Variants in PSD3 observed in about 807,000 individuals in gnomAD.
The protein encoded by PSD3 is PH and SEC7 domain-containing protein 3.
Under a neutral mutation model 105.5 loss-of-function variants are expected in PSD3, and 49 were observed. The ratio of observed to expected loss-of-function variants is 0.46; its 90% CI spans 0.37 to 0.59. PSD3 has a LOEUF of 0.59. PSD3 is among the 20% of genes least tolerant of loss of function. The pLI is 0.00. For synonymous variants in PSD3, 557 were observed against 457.8 expected (o/e 1.22, Z -2.77); for missense variants, 1,561 against 1,263.8 (o/e 1.24, Z -3.57).
In PSD3 at chr8:18,656,483, T is replaced by C. The variant is rs548216265; in HGVS notation, c.2173-798A>G. ...TCTTAGGATAGTTTTAGAGTTTCGA[T>C]ACCACTGACTTAATCCAGTTTTTAT... is the stretch of plus-strand genomic sequence containing the variant. On this transcript the variant is annotated intron_variant, in intron 9 of 15. Transcript: ENST00000327040. Among the ~76,000 whole-genome samples the C allele has an allele frequency of 1.8e-3, 247 of 133,890 alleles. 1 individual carries two copies. The highest frequency in any genetic ancestry group is 7.0e-3 in the African/African-American group (235 of 33,496). 87.8% of individuals were successfully genotyped at this position (133,890 alleles called of 152,430 possible). A position where few individuals can be genotyped will look rare whatever the true frequency, so the allele number is the denominator to read the frequency against.
At chr8:18,840,258 A>T (rs1255589767) in intron 4 of PSD3, among the ~76,000 whole-genome samples, 1 of 151,964 alleles carries the variant, frequency 6.6e-6, no homozygotes, top group Non-Finnish European at 1.5e-5. Flanking sequence ...CACTCTGAGT[A>T]ATAGGTGGGG....
intron 4 of PSD3, among the ~76,000 whole-genome samples, chr8:18,854,607 A>G (rs547770236): frequency 6.6e-6 from 1 of 152,372 alleles, no homozygotes; most frequent in South Asian, 2.1e-4. Flanking sequence ...TTTTTGAACA[A>G]CTATTTTATA....
At chr8:18,665,720 G>A (rs1294380956) in intron 9 of PSD3, among the ~76,000 whole-genome samples, 3 of 152,158 alleles carry the variant, frequency 2.0e-5, no homozygotes, top group Non-Finnish European at 4.4e-5. Flanking sequence ...TGGGTGGCGT[G>A]CATGCCAATG....
At chr8:18,625,654 G>A (rs901657139) in intron 11 of PSD3, among the ~76,000 whole-genome samples, 1 of 152,092 alleles carries the variant, frequency 6.6e-6, no homozygotes, top group Non-Finnish European at 1.5e-5. Flanking sequence ...TTTTCTCATC[G>A]GAATTGCTTT....
chr8:18,960,628 T>G (rs1016122780), intron 1 of PSD3, among the ~76,000 whole-genome samples: 1 of 152,208 alleles, frequency 6.6e-6, no homozygotes, highest in South Asian at 2.1e-4. Flanking sequence ...AGATGGGAAG[T>G]AGTAAGTCAT....
chr8:18,963,428 T>C (rs1276251237), intron 1 of PSD3, among the ~76,000 whole-genome samples: 6 of 152,236 alleles, frequency 3.9e-5, no homozygotes, highest in Non-Finnish European at 5.9e-5. Flanking sequence ...CTGTGGACTA[T>C]GGATTCCCAC....
chr8:19,038,866 C>T (rs1019464544), intron 1 of PSD3, among the ~76,000 whole-genome samples: 5 of 152,180 alleles, frequency 3.3e-5, no homozygotes, highest in Non-Finnish European at 5.9e-5. Flanking sequence ...TCTCACAACA[C>T]CTTTCTGTGA....
intron 8 of PSD3, among the ~76,000 whole-genome samples, chr8:18,771,713 T>C (rs77944826): frequency 0.024 from 3,731 of 152,324 alleles, 163 homozygotes; most frequent in East Asian, 0.14. Context: ...TTGAGCTTTA[T>C]ATCAGCATAA....
chr8:18,866,110 C>T (rs1205491296), intron 4 of PSD3, among the ~76,000 whole-genome samples: 1 of 152,220 alleles, frequency 6.6e-6, no homozygotes, highest in African/African-American at 2.4e-5. Flanking sequence ...AAACAACTTC[C>T]ACTCACCCTA....
intron 15 of PSD3, among the ~76,000 whole-genome samples, chr8:18,548,096 C>A (rs1472853985): frequency 6.6e-6 from 1 of 152,154 alleles, no homozygotes; most frequent in Non-Finnish European, 1.5e-5. Context: ...GCTGTTGACA[C>A]TTTCTATTGC....
chr8:18,613,724 G>T (rs10108055), intron 11 of PSD3, among the ~76,000 whole-genome samples: 47,874 of 151,928 alleles, frequency 0.32, 7,865 homozygotes, highest in South Asian at 0.49. Flanking sequence ...TACAGTTCAG[G>T]GCTCTAAAGC....
At chr8:18,647,955 C>T (rs759374533) in intron 10 of PSD3, among the ~76,000 whole-genome samples, 8 of 152,136 alleles carry the variant, frequency 5.3e-5, no homozygotes, top group Non-Finnish European at 7.4e-5. Context: ...TAAAGTTTCC[C>T]GAGGCCTCCC....
At chr8:18,969,243 T>G (rs946553621) in intron 1 of PSD3, among the ~76,000 whole-genome samples, 1 of 152,200 alleles carries the variant, frequency 6.6e-6, no homozygotes, top group Non-Finnish European at 1.5e-5. Flanking sequence ...AACCATACAT[T>G]CTCTTAAAAA....
chr8:19,020,306 A>T (rs1319376708), intron 1 of PSD3, among the ~76,000 whole-genome samples: 5 of 152,102 alleles, frequency 3.3e-5, no homozygotes, highest in African/African-American at 7.2e-5. Context: ...AGAGTAGATG[A>T]TTGCAAAGGA....
chr8:18,636,268 CAATTTTTTTAACA>C (rs1360912264), intron 10 of PSD3, among the ~76,000 whole-genome samples: 1 of 50,330 alleles, frequency 2.0e-5, no homozygotes, highest in Non-Finnish European at 4.0e-5. Context: ...TAATTTTTAA[CAATTTTTTTAACA>C]AAAAAGTTTT....
At chr8:18,790,143 T>C (rs1468425663) in intron 8 of PSD3, among the ~76,000 whole-genome samples, 2 of 152,090 alleles carry the variant, frequency 1.3e-5, no homozygotes, top group East Asian at 3.9e-4. Context: ...TAAGAGGTCA[T>C]AGAATCCAAC....
intron 9 of PSD3, among the ~76,000 whole-genome samples, chr8:18,735,431 C>A (rs1804081828): frequency 6.6e-6 from 1 of 152,112 alleles, no homozygotes; most frequent in South Asian, 2.1e-4. Flanking sequence ...TAAACGTACC[C>A]AAGTGGACAC....
intron 4 of PSD3, among the ~76,000 whole-genome samples, chr8:18,833,062 A>G (rs1199954809): frequency 6.6e-6 from 1 of 152,230 alleles, no homozygotes; most frequent in Non-Finnish European, 1.5e-5. Flanking sequence ...TATGTTAAAG[A>G]TGAATGTTAT....
chr8:18,944,323 A>T (rs1822728955), intron 1 of PSD3, among the ~76,000 whole-genome samples: 1 of 152,176 alleles, frequency 6.6e-6, no homozygotes, highest in Admixed American at 6.5e-5. Context: ...CAATCCCAGC[A>T]CTTTGGGAGG....
Sources: allele counts gnomAD v4.1 joint callset (sites outside exome capture counted in the v4.1 genomes callset), GRCh38; gene constraint gnomAD v4.1.1; transcripts MANE v1.5; gene names NCBI Gene and HGNC (gene_info 2026-07-23, HGNC 2026-07-21).